The following VWA5A variants were observed in gnomAD, a reference collection of about 807,000 sequenced individuals.
VWA5A encodes the protein von Willebrand factor A domain-containing protein 5A.
In VWA5A, 77 loss-of-function variants were observed where a neutral mutation model predicts 84.6. The observed-to-expected ratio is 0.91, with a 90% CI of 0.76 to 1.10. The LOEUF (loss-of-function observed/expected upper bound fraction) is 1.10. Ranked by LOEUF, VWA5A falls within the 50% of genes least tolerant of loss-of-function variation. VWA5A has a pLI of 0.00. For synonymous variants in VWA5A, 334 were observed against 350.1 expected (o/e 0.95, Z 0.51); for missense variants, 973 against 963.0 (o/e 1.01, Z -0.14).
chr11:124,120,965 A>G (rs570308217), intron 7 of VWA5A, among the ~76,000 whole-genome samples: 1 of 152,346 alleles, frequency 6.6e-6, no homozygotes, highest in South Asian at 2.1e-4. Flanking sequence ...AAGGGGGGAC[A>G]TCAGGGACAG....
chr11:124,124,309 A>C lies in VWA5A; in HGVS notation c.1237A>C (p.Lys413Gln). Residue 413 changes from lysine (K) to glutamine (Q), a missense_variant, in exon 11 of 19, where the codon AAA (lysine) becomes CAA (glutamine). By Grantham distance (53) the Lys-to-Gln change is moderately conservative. Transcript: ENST00000456829. ...TAAAGAAGTTAGGATCAACAGACAGAAACACAGGTAGGAAGAAAATGTGAT... is the reference window on the plus strand; with the variant it reads ...TAAAGAAGTTAGGATCAACAGACAGCAACACAGGTAGGAAGAAAATGTGAT... ...VIKEVRINRQ[K>Q]HRCFSFGIGE... 6.2e-7 allele frequency: 1 copy of C among 1,614,066 alleles called. No individual in the cohort carries two copies. The highest frequency in any genetic ancestry group is 8.5e-7 in the Non-Finnish European group (1 of 1,179,954).
intron 10 of VWA5A, among the ~76,000 whole-genome samples, 176 bp downstream of exon 10, chr11:124,123,980 A>G (rs1055768135): frequency 6.6e-6 from 1 of 152,146 alleles, no homozygotes; most frequent in African/African-American, 2.4e-5. Context: ...ACTCCATGCG[A>G]TGGACACTGG....
chr11:124,130,948 G>A (rs529662548), intron 11 of VWA5A, among the ~76,000 whole-genome samples: 2 of 152,162 alleles, frequency 1.3e-5, no homozygotes, highest in South Asian at 4.1e-4. Context: ...TGCTTCAAAG[G>A]TAGCAGTGTA....
At chr11:124,139,270 T>A (rs1011773270) in intron 15 of VWA5A, among the ~76,000 whole-genome samples, 2 of 146,632 alleles carry the variant, frequency 1.4e-5, no homozygotes, top group African/African-American at 5.1e-5. Context: ...TTCTCAAGGT[T>A]ACTTTGACTA....
intron 7 of VWA5A, among the ~76,000 whole-genome samples, chr11:124,120,206 A>T (rs1565614804): frequency 1.3e-5 from 2 of 152,184 alleles, no homozygotes; most frequent in African/African-American, 4.8e-5. Context: ...GTTTCTTTTA[A>T]TGTTTATTAC....
chr11:124,121,667 G>A (rs1230108424), intron 7 of VWA5A, among the ~76,000 whole-genome samples: 2 of 152,166 alleles, frequency 1.3e-5, no homozygotes, highest in East Asian at 3.8e-4. Flanking sequence ...GCAAGCAGAG[G>A]AGCTAAAGTT....
At chr11:124,138,177 T>C (rs546767762) in intron 15 of VWA5A, among the ~76,000 whole-genome samples, 7 of 152,360 alleles carry the variant, frequency 4.6e-5, no homozygotes, top group African/African-American at 1.7e-4. Context: ...TGTTACATTG[T>C]GTATATATAG....
In VWA5A at chr11:124,141,591, T is replaced by A. The variant is rs138826375; in HGVS notation, c.1880-7T>A. 4.3e-3 allele frequency: 6,881 copies of A among 1,613,938 alleles called. 16 individuals carry two copies. Among genetic ancestry groups the A allele is most frequent in the Non-Finnish European group, 5.2e-3 (6,161 of 1,179,936 alleles). ...GTGCCACTGTCTTAATGTTTGGATT[T>A]TTTCAGGTTTTCGAAAGGCCTTACA... On this transcript the variant is annotated splice_polypyrimidine_tract_variant and splice_region_variant and intron_variant, in intron 15 of 18. Transcript: ENST00000456829.
At position 124,140,932 on chromosome 11, in the gene VWA5A, G is replaced by A. The variant is rs565555960; in HGVS notation, c.1880-666G>A. Among the ~76,000 whole-genome samples the A allele has an allele frequency of 6.6e-5, 10 of 152,282 alleles. No individual in the cohort carries two copies. The South Asian group carries it at 1.0e-3, about 16-fold the overall frequency. On this transcript the variant is annotated intron_variant, in intron 15 of 18. Coordinates refer to ENST00000456829, the MANE Select transcript of VWA5A (RefSeq NM_001130142.2). ...TGGAACAATTCTGCATAATAACAAG[G>A]TCTTCATGGCTTGGGAGGAAGTGGC...
chr11:124,125,634 C>A (rs1865008470), intron 11 of VWA5A, among the ~76,000 whole-genome samples: 1 of 152,112 alleles, frequency 6.6e-6, no homozygotes, highest in South Asian at 2.1e-4. Context: ...AAGTTTAGCA[C>A]CACTTCATAT....
Position 124,136,686 on chromosome 11 carries a change from G to C in VWA5A, c.1625+12G>C. The stretch of plus-strand genomic sequence containing the variant: ...AAGCCTGATGTCAAGTGAGAATTCA[G>C]TTTTCCCTTCCTTCCTTCCTTCCTT... On this transcript the variant is annotated intron_variant, in intron 14 of 18. Coordinates refer to ENST00000456829, the MANE Select transcript of VWA5A (RefSeq NM_001130142.2). 6.5e-7 allele frequency: 1 copy of C among 1,541,708 alleles called. No homozygotes were observed. Among genetic ancestry groups the C allele is most frequent in the Non-Finnish European group, 8.9e-7 (1 of 1,125,420 alleles).
At chr11:124,129,771 A>G (rs951462267) in intron 11 of VWA5A, among the ~76,000 whole-genome samples, 49 of 152,106 alleles carry the variant, frequency 3.2e-4, no homozygotes, top group Middle Eastern at 3.4e-3. Context: ...TTATTTGCAT[A>G]CAGCTGTTTA....
chr11:124,118,102 C>G, intron 4 of VWA5A, 87 bp from the exon 5 acceptor site: 11 of 1,413,684 alleles, frequency 7.8e-6, no homozygotes, highest in African/African-American at 1.4e-5. Flanking sequence ...ACCAATCACA[C>G]AGTCGCTCTG....
chr11:124,117,901 T>C (rs1864861192), intron 4 of VWA5A, 26 bp downstream of exon 4: 2 of 1,610,526 alleles, frequency 1.2e-6, no homozygotes, highest in East Asian at 4.5e-5. Context: ...TCCTCCCTTC[T>C]TATTACATTA....
intron 4 of VWA5A, 98 bp downstream of exon 4, chr11:124,117,973 C>T: frequency 7.0e-7 from 1 of 1,433,582 alleles, no homozygotes; most frequent in East Asian, 2.4e-5. Flanking sequence ...TGTACCTTCA[C>T]AAAACATGCT....
At chr11:124,131,008 G>A (rs1865089290) in intron 11 of VWA5A, among the ~76,000 whole-genome samples, 1 of 151,918 alleles carries the variant, frequency 6.6e-6, no homozygotes, top group South Asian at 2.1e-4. Flanking sequence ...CTTTTCTACA[G>A]TGAGATAAAC....
chr11:124,118,606 C>G lies in VWA5A; in HGVS notation c.543C>G (p.Ser181Arg). Residue 181 changes from serine (S) to arginine (R), a missense_variant, in exon 6 of 19, where the codon AGC (serine) becomes AGG (arginine). Ser to Arg is a moderately radical substitution (Grantham distance 110, BLOSUM62 -1). Coordinates refer to ENST00000456829, the MANE Select transcript of VWA5A (RefSeq NM_001130142.2). Reference sequence around the variant, plus strand: ...TGGAGGACCTGCCCTACACACTCAGCATGGTCGCCACCATAGATTCCCAGC... The same window carrying G: ...TGGAGGACCTGCCCTACACACTCAGGATGGTCGCCACCATAGATTCCCAGC... ...VPVEDLPYTL[S>R]MVATIDSQHG... 1 of 1,614,204 alleles carries G rather than the reference C, an allele frequency of 6.2e-7. No individual in the cohort carries two copies. The highest frequency in any genetic ancestry group is 8.5e-7 in the Non-Finnish European group (1 of 1,180,034).
At chr11:124,144,851 T>C (rs1860789350) in intron 17 of VWA5A, among the ~76,000 whole-genome samples, 1 of 152,196 alleles carries the variant, frequency 6.6e-6, no homozygotes. Context: ...TAAAAATGTT[T>C]ATTGATATTT....
intron 15 of VWA5A, among the ~76,000 whole-genome samples, chr11:124,137,710 A>G (rs1041765023): frequency 6.6e-6 from 1 of 152,186 alleles, no homozygotes; most frequent in African/African-American, 2.4e-5. Context: ...AATAAACTTC[A>G]TAACTATTAA....
Sources: allele counts gnomAD v4.1 joint callset (sites outside exome capture counted in the v4.1 genomes callset), GRCh38; gene constraint gnomAD v4.1.1; transcripts MANE v1.5; gene names NCBI Gene and HGNC (gene_info 2026-07-23, HGNC 2026-07-21).